UVRAG: variants seen among roughly 807,000 people sequenced by gnomAD.
UVRAG encodes UV radiation resistance-associated gene protein.
UVRAG carries 19 observed loss-of-function variants against 78.0 expected under a neutral mutation model. That is an observed-to-expected ratio of 0.24 (90% CI 0.17 to 0.36). The LOEUF is 0.36. Ranked by LOEUF, UVRAG falls within the 10% of genes least tolerant of loss-of-function variation. The pLI, the probability that UVRAG is intolerant of heterozygous loss-of-function variation, is 1.00. For synonymous variants in UVRAG, 323 were observed against 324.6 expected, an observed-to-expected ratio of 1.00 and a Z score of 0.05; for missense variants, 740 against 853.8, an observed-to-expected ratio of 0.87 and a Z score of 1.66.
chr11:76,013,109 G>A (rs1044547541), intron 11 of UVRAG: 7 of 152,172 alleles, frequency 4.6e-5, no homozygotes, highest in African/African-American at 1.7e-4. Context: ...GATGGTAAGA[G>A]CTTTTAGATC....
chr11:75,879,125 T>G (rs187035232), intron 3 of UVRAG, among the ~76,000 whole-genome samples: 49 of 152,346 alleles, frequency 3.2e-4, no homozygotes, highest in Non-Finnish European at 5.9e-4. Flanking sequence ...CTTGTTATTT[T>G]CAACTTGAAA....
rs138849118 is a variant in UVRAG at position 76,011,153 on chromosome 11, G to A, written c.1060+2286G>A. On this transcript the variant is annotated intron_variant, in intron 11 of 14. Coordinates refer to ENST00000356136, the MANE Select transcript of UVRAG (RefSeq NM_003369.4). ...TACAATGCCCAACAAGCTGAATACA[G>A]TCTCCCTACCCTTTAATAAATTAGT... 1.4e-4 allele frequency among the ~76,000 whole-genome samples: 21 copies of A among 152,280 alleles called. No homozygotes were observed. The East Asian group carries it at 3.9e-3, about 28-fold the overall frequency.
At chr11:75,904,466 A>C (rs1206708980) in intron 5 of UVRAG, among the ~76,000 whole-genome samples, 1 of 152,246 alleles carries the variant, frequency 6.6e-6, no homozygotes, top group East Asian at 1.9e-4. Context: ...TGGTGAAGTT[A>C]GATGTCATTC....
At chr11:75,829,214 T>G (rs529926092) in intron 1 of UVRAG, among the ~76,000 whole-genome samples, 1 of 152,334 alleles carries the variant, frequency 6.6e-6, no homozygotes, top group African/African-American at 2.4e-5. Context: ...TAGCTGGGAC[T>G]ATAGATGTGT....
chr11:76,095,938 A>C (rs1298774230), intron 13 of UVRAG, among the ~76,000 whole-genome samples: 1 of 151,840 alleles, frequency 6.6e-6, no homozygotes, highest in African/African-American at 2.4e-5. Context: ...AGTAGCTCCT[A>C]TCAGATCAAC....
At chr11:76,123,613 T>G (rs1952330817) in intron 14 of UVRAG, among the ~76,000 whole-genome samples, 1 of 152,228 alleles carries the variant, frequency 6.6e-6, no homozygotes, top group Non-Finnish European at 1.5e-5. Context: ...GTTTAATTTT[T>G]CCTGATTATA....
intron 11 of UVRAG, among the ~76,000 whole-genome samples, chr11:76,012,382 A>G (rs1950066145): frequency 1.3e-5 from 2 of 152,032 alleles, no homozygotes; most frequent in South Asian, 4.1e-4. Flanking sequence ...TCAAGGAGTC[A>G]TATTAAACAG....
At chr11:76,054,642 G>A (rs941420297) in intron 12 of UVRAG, among the ~76,000 whole-genome samples, 6 of 152,024 alleles carry the variant, frequency 3.9e-5, no homozygotes, top group Non-Finnish European at 8.8e-5. Context: ...TGCACTTTTC[G>A]TTTCACCTGC....
At chr11:75,825,546 C>A (rs1007796441) in intron 1 of UVRAG, among the ~76,000 whole-genome samples, 1 of 152,140 alleles carries the variant, frequency 6.6e-6, no homozygotes, top group African/African-American at 2.4e-5. Flanking sequence ...TCATAGTATA[C>A]CTTCTTGATT....
At chr11:76,116,322 A>C (rs1425180318) in intron 14 of UVRAG, among the ~76,000 whole-genome samples, 1 of 152,196 alleles carries the variant, frequency 6.6e-6, no homozygotes, top group African/African-American at 2.4e-5. Context: ...GATTCATGGT[A>C]AGGGAGACCC....
At chr11:76,001,618 A>T (rs952875203) in intron 8 of UVRAG, among the ~76,000 whole-genome samples, 3 of 152,242 alleles carry the variant, frequency 2.0e-5, no homozygotes, top group Non-Finnish European at 4.4e-5. Flanking sequence ...AGGGGACATC[A>T]CTACAGATCC....
At chr11:76,124,435 G>A (rs146649841) in intron 14 of UVRAG, among the ~76,000 whole-genome samples, 1 of 152,344 alleles carries the variant, frequency 6.6e-6, no homozygotes, top group African/African-American at 2.4e-5. Flanking sequence ...TCGCTGTCAT[G>A]TGGGACTTAC....
intron 6 of UVRAG, among the ~76,000 whole-genome samples, chr11:75,915,666 C>T (rs1181751868): frequency 6.6e-6 from 1 of 152,128 alleles, no homozygotes; most frequent in Non-Finnish European, 1.5e-5. Flanking sequence ...TATAAATAAG[C>T]ATTCAGTTTT....
At chr11:76,041,956 C>G (rs1405275804) in intron 12 of UVRAG, among the ~76,000 whole-genome samples, 1 of 152,034 alleles carries the variant, frequency 6.6e-6, no homozygotes, top group Non-Finnish European at 1.5e-5. Context: ...ACAGAGAGTT[C>G]AAGAAAAAAT....
intron 4 of UVRAG, among the ~76,000 whole-genome samples, chr11:75,884,226 C>G (rs868819592): frequency 7.3e-6 from 1 of 136,644 alleles, no homozygotes; most frequent in African/African-American, 2.9e-5. Context: ...CTCTCTCTCT[C>G]TCTCTCTCTC....
At chr11:75,879,593 G>A (rs78313796) in intron 3 of UVRAG, among the ~76,000 whole-genome samples, 2,981 of 152,258 alleles carry the variant, frequency 0.02, 69 homozygotes, top group African/African-American at 0.06. Flanking sequence ...TAATAATCAC[G>A]TATTAAGTGT....
At chr11:76,019,003 G>A (rs1371307348) in intron 12 of UVRAG, among the ~76,000 whole-genome samples, 2 of 152,062 alleles carry the variant, frequency 1.3e-5, no homozygotes, top group African/African-American at 4.8e-5. Flanking sequence ...TAGTTCTGTA[G>A]GCATGCTTCA....
intron 14 of UVRAG, chr11:76,137,286 G>C (rs1684880911): frequency 4.4e-6 from 2 of 454,690 alleles, no homozygotes; most frequent in South Asian, 3.1e-5. Flanking sequence ...AGCGCCAGAG[G>C]GGACTCGAAG....
chr11:75,837,804 T>C (rs1265505770), intron 1 of UVRAG, among the ~76,000 whole-genome samples: 1 of 152,236 alleles, frequency 6.6e-6, no homozygotes, highest in East Asian at 1.9e-4. Context: ...TCCTATATAT[T>C]CCATTCTAAG....
Sources: allele counts gnomAD v4.1 joint callset (sites outside exome capture counted in the v4.1 genomes callset), GRCh38; gene constraint gnomAD v4.1.1; transcripts MANE v1.5; gene names NCBI Gene and HGNC (gene_info 2026-07-23, HGNC 2026-07-21).